The following PRKCG variants were observed in gnomAD, a reference collection of about 807,000 sequenced individuals.
PRKCG encodes the protein protein kinase C gamma, also known as protein kinase C gamma type.
PRKCG carries 28 observed loss-of-function variants against 82.0 expected under a neutral mutation model. The observed-to-expected ratio is 0.34, with a 90% CI of 0.25 to 0.47. The LOEUF is 0.47. Among genes scored for constraint, PRKCG ranks in the 20% least tolerant of loss-of-function variants. PRKCG has a pLI of 1.00. For synonymous variants in PRKCG, 383 were observed against 376.6 expected (o/e 1.02, Z -0.20); for missense variants, 640 against 952.7 (o/e 0.67, Z 4.32).
At position 53,889,424 on chromosome 19, in the gene PRKCG, G is replaced by GT. The variant is rs35336576; in HGVS notation, c.286-203dup. Among the ~76,000 whole-genome samples, 17,725 of 147,612 alleles carry GT rather than the reference G, an allele frequency of 0.12. 2,490 individuals are homozygous for GT. The highest frequency in any genetic ancestry group is 0.34 in the African/African-American group (13,815 of 40,308). The stretch of plus-strand genomic sequence containing the variant: ...GAAGTAAACTCCATGTGACAAAGAG[G>GT]TTTTTTTTTTTCATTTGTTTAATGC... On this transcript the variant is annotated intron_variant, in intron 3 of 17. Transcript: ENST00000263431. The surrounding 1 kb of genome is among the most constrained non-coding windows in gnomAD (Gnocchi z 4.4).
At chr19:53,906,274 C>CTCTG (rs139439766) in intron 16 of PRKCG, 43 bp from the exon 17 acceptor site, 1 of 1,550,644 alleles carries the variant, frequency 6.4e-7, no homozygotes, top group Non-Finnish European at 8.7e-7. Flanking sequence ...CTGTCCGGCA[C>CTCTG]TCTGTCTGTT....
chr19:53,889,761 G>A lies in PRKCG; in HGVS notation c.397+12G>A, dbSNP rs2068657865. On this transcript the variant is annotated intron_variant, in intron 4 of 17. Coordinates refer to ENST00000263431, the MANE Select transcript of PRKCG (RefSeq NM_002739.5). This position sits in a 1 kb window ranked among gnomAD's most constrained non-coding sequence, Gnocchi z 4.4. ...CATGAAATGCTCCTGTGAGTGACCT[G>A]GGCCTTGCCAGGGCCCTTCCAAAGC... 8.1e-6 allele frequency: 13 copies of A among 1,612,622 alleles called. No individual in the cohort carries two copies. Among genetic ancestry groups the A allele is most frequent in the Non-Finnish European group, 1.1e-5 (13 of 1,179,398 alleles).
At chr19:53,902,665 C>G (rs1032738227) in intron 14 of PRKCG, among the ~76,000 whole-genome samples, 4 of 151,926 alleles carry the variant, frequency 2.6e-5, no homozygotes, top group Admixed American at 6.6e-5. Context: ...GAGGCGGAGG[C>G]AGGCCAATTG....
In PRKCG at chr19:53,882,391, T is replaced by C. The variant is rs1251263271; in HGVS notation, c.-104T>C. On this transcript the variant is annotated 5_prime_UTR_variant, in exon 1 of 18. Transcript: ENST00000263431. The surrounding 1 kb of genome is among the most constrained non-coding windows in gnomAD (Gnocchi z 6.1). ...TGCCCCTCTCCTGCCCACCTCGGAA[T>C]TTCCCTGTGGCTCCTTTGATCCTTC... The C allele has an allele frequency of 1.3e-6, 2 of 1,520,134 alleles. No homozygotes were observed. The highest frequency in any genetic ancestry group is 1.8e-6 in the Non-Finnish European group (2 of 1,122,720). The allele number at this position is 1,520,134 out of a possible 1,614,324, so 94.2% of individuals were successfully genotyped here.
Position 53,889,789 on chromosome 19 carries a change from C to A in PRKCG, c.397+40C>A, listed in dbSNP as rs757769077. 5 of 1,602,524 alleles carry A rather than the reference C, an allele frequency of 3.1e-6. No homozygotes were observed. Among genetic ancestry groups the A allele is most frequent in the Non-Finnish European group, 4.3e-6 (5 of 1,174,740 alleles). The stretch of plus-strand genomic sequence containing the variant: ...CCTTGCCAGGGCCCTTCCAAAGCGC[C>A]CGGTCTGGGTTCCGGGAAATGCCCG... On this transcript the variant is annotated intron_variant, in intron 4 of 17. Transcript: ENST00000263431. This position sits in a 1 kb window ranked among gnomAD's most constrained non-coding sequence, Gnocchi z 4.4.
rs1340519296 is a variant in PRKCG at position 53,889,866 on chromosome 19, C to T, written c.398-20C>T. On this transcript the variant is annotated intron_variant, in intron 4 of 17. Transcript: ENST00000263431. The surrounding 1 kb of genome is among the most constrained non-coding windows in gnomAD (Gnocchi z 4.4). ...CTTGGGGGCGGGGCCTGAGGTGCTA[C>T]CCGCAGCTTTCCCCTCCAGGCTGCG... 1 of 1,575,588 alleles carries T rather than the reference C, an allele frequency of 6.3e-7. No homozygotes were observed. The highest frequency in any genetic ancestry group is 8.6e-7 in the Non-Finnish European group (1 of 1,161,210).
At chr19:53,897,044 G>GC (rs2068723097) in intron 9 of PRKCG, among the ~76,000 whole-genome samples, 1 of 152,162 alleles carries the variant, frequency 6.6e-6, no homozygotes, top group Non-Finnish European at 1.5e-5. Context: ...ACATCCAGAG[G>GC]CCCTGAGGTG....
intron 11 of PRKCG, among the ~76,000 whole-genome samples, chr19:53,899,346 C>CTTCCT (rs1568759633): frequency 8.5e-5 from 13 of 152,162 alleles, no homozygotes; most frequent in Non-Finnish European, 1.5e-4. Context: ...CAAAGGGGCA[C>CTTCCT]AGTGGAGGAG....
intron 9 of PRKCG, among the ~76,000 whole-genome samples, chr19:53,895,487 CAAA>C (rs760577483): frequency 3.2e-5 from 2 of 62,860 alleles, no homozygotes; most frequent in Admixed American, 1.7e-4. Context: ...GACTCTGTCT[CAAA>C]AAAAAAAAAA....
chr19:53,907,023 C>T lies in PRKCG; in HGVS notation c.*128C>T, dbSNP rs1255522739. ...TGCACCCCAGCATTCCAGCTCTGCCCCCGCGGGTTCTAGACGCCCCTCCCA... is the reference window on the plus strand; with the variant it reads ...TGCACCCCAGCATTCCAGCTCTGCCTCCGCGGGTTCTAGACGCCCCTCCCA... On this transcript the variant is annotated 3_prime_UTR_variant, in exon 18 of 18. Transcript: ENST00000263431. 1 of 1,540,586 alleles carries T rather than the reference C, an allele frequency of 6.5e-7. No homozygotes were observed. The highest frequency in any genetic ancestry group is 2.0e-5 in the Admixed American group (1 of 50,772).
At chr19:53,902,890 C>CAAAAAAAAAAAAAAAAAAAAA (rs56955659) in intron 14 of PRKCG, among the ~76,000 whole-genome samples, 183 bp from the exon 15 acceptor site, 1 of 19,966 alleles carries the variant, frequency 5.0e-5, no homozygotes, top group African/African-American at 1.4e-4. Flanking sequence ...GAGACCCTGT[C>CAAAAAAAAAAAAAAAAAAAAA]AAAAAAAAAA....
At chr19:53,893,667 C>T (rs1164533071) in intron 9 of PRKCG, among the ~76,000 whole-genome samples, 1 of 151,918 alleles carries the variant, frequency 6.6e-6, no homozygotes, top group Non-Finnish European at 1.5e-5. Context: ...AACGGAGGCA[C>T]TAATCCAGCC....
rs113382850 is a variant in PRKCG, at chr19:53,896,376, G to GATTATT, written c.940-1541_940-1536dup. On this transcript the variant is annotated intron_variant, in intron 9 of 17. Coordinates refer to ENST00000263431, the MANE Select transcript of PRKCG (RefSeq NM_002739.5). ...CAACACAGCAAACAGAAACAGCCCT[G>GATTATT]ATTATTATTATTATTATTATTATTA... Among the ~76,000 whole-genome samples the GATTATT allele has an allele frequency of 4.3e-3, 612 of 141,932 alleles. 4 individuals are homozygous for GATTATT. The highest frequency in any genetic ancestry group is 6.3e-3 in the Non-Finnish European group (413 of 65,576). The allele number at this position is 141,932 out of a possible 152,430, so 93.1% of individuals were successfully genotyped here. A position where few individuals can be genotyped will look rare whatever the true frequency, so the allele number is the denominator to read the frequency against.
In PRKCG at chr19:53,892,546, G is replaced by C; in HGVS notation, c.724G>C (p.Val242Leu). The C allele has an allele frequency of 6.2e-7, 1 of 1,613,334 alleles. No homozygotes were observed. The highest frequency in any genetic ancestry group is 8.5e-7 in the Non-Finnish European group (1 of 1,179,930). ...KPGDVERRLSVEVWDWDRTSR... is the reference protein window; with the variant it reads ...KPGDVERRLSLEVWDWDRTSR... The stretch of plus-strand genomic sequence containing the variant: ...AGGGGATGTGGAGCGCCGGCTCAGC[G>C]TGGAGGTGTGGGACTGGGACCGGAC... Residue 242 changes from valine (V) to leucine (L), a missense_variant, in exon 7 of 18, where the codon GTG becomes CTG. Around this residue, in one of 7 missense-constraint regions of PRKCG, gnomAD observed 261 missense variants for 312.1 expected, o/e 0.84. Transcript: ENST00000263431. The surrounding 1 kb of genome is among the most constrained non-coding windows in gnomAD (Gnocchi z 5.9).
intron 5 of PRKCG, 99 bp from the exon 6 acceptor site, chr19:53,891,575 C>T: frequency 1.5e-5 from 22 of 1,495,510 alleles, no homozygotes; most frequent in South Asian, 3.4e-5. Context: ...AGCCGCCGTG[C>T]CTGGCCAAGC....
chr19:53,899,680 G>C (rs966311257), intron 11 of PRKCG, among the ~76,000 whole-genome samples: 12 of 151,804 alleles, frequency 7.9e-5, no homozygotes, highest in Non-Finnish European at 1.6e-4. Context: ...TCCGCCTCCC[G>C]GGTTTAAGCA....
At position 53,884,965 on chromosome 19, in the gene PRKCG, T is replaced by A. The variant is rs1325954241; in HGVS notation, c.285+722T>A. ...CACCCCCTCTCTCTCCATCAGAGGCTCACAAGACCAGTCAACCCTGAGTGC... is the reference window on the plus strand; with the variant it reads ...CACCCCCTCTCTCTCCATCAGAGGCACACAAGACCAGTCAACCCTGAGTGC... On this transcript the variant is annotated intron_variant, in intron 3 of 17. Transcript: ENST00000263431. The surrounding 1 kb of genome is among the most constrained non-coding windows in gnomAD (Gnocchi z 4.6). Among the ~76,000 whole-genome samples the A allele has an allele frequency of 6.6e-6, 1 of 152,108 alleles. No homozygotes were observed. Among genetic ancestry groups the A allele is most frequent in the African/African-American group, 2.4e-5 (1 of 41,408 alleles).
Position 53,884,301 on chromosome 19 carries a change from C to A in PRKCG, c.285+58C>A. ...GGCCGTGCCCCCGCCCTCACCCCCTCGGCGTCCGTCCCAATTTCTCCTGCT... is the reference window on the plus strand; with the variant it reads ...GGCCGTGCCCCCGCCCTCACCCCCTAGGCGTCCGTCCCAATTTCTCCTGCT... On this transcript the variant is annotated intron_variant, in intron 3 of 17. Coordinates refer to ENST00000263431, the MANE Select transcript of PRKCG (RefSeq NM_002739.5). The surrounding 1 kb of genome is among the most constrained non-coding windows in gnomAD (Gnocchi z 4.6). The A allele has an allele frequency of 6.7e-7, 1 of 1,488,916 alleles. No individual in the cohort carries two copies. Among genetic ancestry groups the A allele is most frequent in the South Asian group, 1.1e-5 (1 of 88,540 alleles). 92.2% of individuals were successfully genotyped at this position (1,488,916 alleles called of 1,614,324 possible). A position where few individuals can be genotyped will look rare whatever the true frequency, so the allele number is the denominator to read the frequency against.
At position 53,882,813 on chromosome 19, in the gene PRKCG, C is replaced by T. The variant is rs1348371429; in HGVS notation, c.170+149C>T. On this transcript the variant is annotated intron_variant, in intron 1 of 17. Transcript: ENST00000263431. The surrounding 1 kb of genome is among the most constrained non-coding windows in gnomAD (Gnocchi z 6.1). The stretch of plus-strand genomic sequence containing the variant: ...CCAGGGAACGCTGGGAGCTTCGACT[C>T]CTGGGTTTCAGTGAGGAGGAGGCTG... 85 of 1,205,280 alleles carry T rather than the reference C, an allele frequency of 7.1e-5. No homozygotes were observed. Among genetic ancestry groups the T allele is most frequent in the Non-Finnish European group, 9.3e-5 (82 of 884,850 alleles). 74.7% of individuals were successfully genotyped at this position (1,205,280 alleles called of 1,614,324 possible).
Sources: gnomAD v4.1 joint callset for allele counts (sites outside exome capture counted in the v4.1 genomes callset) on GRCh38, gnomAD v4.1.1 for gene constraint, gnomAD v4.1.1 regional missense constraint, Gnocchi (gnomAD v3.1) non-coding constraint, MANE v1.5 for transcripts, NCBI Gene and HGNC (gene_info 2026-07-23, HGNC 2026-07-21) for gene names.